Variants in SQLE observed in about 807,000 individuals in gnomAD.
SQLE encodes squalene monooxygenase.
In SQLE, 29 loss-of-function variants were observed where a neutral mutation model predicts 60.7. That is an observed-to-expected ratio of 0.48 (90% CI 0.36 to 0.65). The LOEUF (loss-of-function observed/expected upper bound fraction) is 0.65, where lower values mean the gene tolerates loss of function less well. Among genes scored for constraint, SQLE ranks in the 30% least tolerant of loss-of-function variants. SQLE has a pLI of 0.00. For synonymous variants in SQLE, 237 were observed against 246.8 expected (o/e 0.96, Z 0.37); for missense variants, 605 against 684.1 (o/e 0.88, Z 1.29).
At chr8:125,020,944 A>G in intron 10 of SQLE, 73 bp downstream of exon 10, 4 of 1,005,040 alleles carry the variant, frequency 4.0e-6, no homozygotes, top group Non-Finnish European at 6.2e-6. Context: ...GAATTACTGC[A>G]AATCTTTCTT....
Position 125,006,229 on chromosome 8 carries a change from T to G in SQLE, c.725+524T>G, listed in dbSNP as rs75122557. ...GAACCCTCATGTGACTGACACAGAC[T>G]AAAGTATTGACAAAGCAAGTGAAGA... On this transcript the variant is annotated intron_variant, in intron 3 of 10. Coordinates refer to ENST00000265896, the MANE Select transcript of SQLE (RefSeq NM_003129.4). Among the ~76,000 whole-genome samples the G allele has an allele frequency of 3.3e-3, 504 of 152,316 alleles. 3 individuals are homozygous for G. Among genetic ancestry groups the G allele is most frequent in the African/African-American group, 0.012 (487 of 41,568 alleles).
chr8:125,004,992 A>G (rs902298359), intron 2 of SQLE, among the ~76,000 whole-genome samples: 8 of 152,170 alleles, frequency 5.3e-5, no homozygotes, highest in African/African-American at 1.9e-4. Context: ...GTCACTTTTA[A>G]TGGATAGTAT....
chr8:125,021,432 G>A (rs1398035736), intron 10 of SQLE, among the ~76,000 whole-genome samples: 1 of 149,226 alleles, frequency 6.7e-6, no homozygotes, highest in African/African-American at 2.5e-5. Flanking sequence ...GTCTCAGGAT[G>A]AGTAAACAAA....
At chr8:124,999,844 C>T in intron 1 of SQLE, 150 bp downstream of exon 1, 1 of 1,026,444 alleles carries the variant, frequency 9.7e-7, no homozygotes, top group East Asian at 2.6e-5. Flanking sequence ...CTCTGCTGTG[C>T]CTTGGTTACA....
rs1469786569 is a variant in SQLE, at chr8:125,002,415, C to T, written c.292-761C>T. 3.9e-5 allele frequency among the ~76,000 whole-genome samples: 6 copies of T among 152,310 alleles called. No homozygotes were observed. The East Asian group carries it at 9.6e-4, about 24-fold the overall frequency. ...ATCTAAGGCCGCACGCAGTGGCTCACGCCTGTAATCCCAGCACTTTGGGAG... is the reference window on the plus strand; with the variant it reads ...ATCTAAGGCCGCACGCAGTGGCTCATGCCTGTAATCCCAGCACTTTGGGAG... On this transcript the variant is annotated intron_variant, in intron 1 of 10. Coordinates refer to ENST00000265896, the MANE Select transcript of SQLE (RefSeq NM_003129.4).
At chr8:125,017,541 G>A (rs1815129007) in intron 7 of SQLE, among the ~76,000 whole-genome samples, 1 of 151,986 alleles carries the variant, frequency 6.6e-6, no homozygotes, top group Non-Finnish European at 1.5e-5. Flanking sequence ...ACCCAGGACG[G>A]ATCCAAAAAT....
Position 125,008,955 on chromosome 8 carries a change from T to C in SQLE, c.823-16T>C. On this transcript the variant is annotated splice_polypyrimidine_tract_variant and intron_variant, in intron 4 of 10. Transcript: ENST00000265896. The stretch of plus-strand genomic sequence containing the variant: ...TTTCTGACTACTAAACTGAGTAGTC[T>C]TCATTTCTGTTATAGGAACTCCATG... The C allele has an allele frequency of 6.5e-7, 1 of 1,527,030 alleles. No homozygotes were observed. Among genetic ancestry groups the C allele is most frequent in the East Asian group, 2.3e-5 (1 of 43,780 alleles). 94.6% of individuals were successfully genotyped at this position (1,527,030 alleles called of 1,614,324 possible).
chr8:125,018,738 A>C lies in SQLE; in HGVS notation c.1444+11A>C, dbSNP rs1204583827. On this transcript the variant is annotated intron_variant, in intron 9 of 10. Transcript: ENST00000265896. ...TTTCTGCCACAGATGGTAAGTGTAG[A>C]CACTTTTTAGTGAATATTACTCAAT... is the stretch of plus-strand genomic sequence containing the variant. The C allele has an allele frequency of 1.3e-6, 2 of 1,558,218 alleles. No individual in the cohort carries two copies. Among genetic ancestry groups the C allele is most frequent in the East Asian group, 2.3e-5 (1 of 43,920 alleles).
At chr8:125,009,795 A>G (rs938318967) in intron 6 of SQLE, among the ~76,000 whole-genome samples, 1 of 148,916 alleles carries the variant, frequency 6.7e-6, no homozygotes, top group Non-Finnish European at 1.5e-5. Context: ...CTCCGTCTCA[A>G]AAAAAAAAAA....
chr8:125,019,650 C>G (rs565315993), intron 9 of SQLE, among the ~76,000 whole-genome samples: 1 of 152,174 alleles, frequency 6.6e-6, no homozygotes, highest in Admixed American at 6.5e-5. Context: ...GCAGTGTACA[C>G]ATCAGTTTAA....
At chr8:125,018,801 G>T in intron 9 of SQLE, 74 bp downstream of exon 9, 1 of 995,040 alleles carries the variant, frequency 1.0e-6, no homozygotes, top group African/African-American at 1.7e-5. Flanking sequence ...AAACAAGTTA[G>T]TGATTTGTCC....
chr8:125,004,118 A>C (rs1814909404), intron 2 of SQLE, among the ~76,000 whole-genome samples: 1 of 152,188 alleles, frequency 6.6e-6, no homozygotes. Context: ...ATTTTATGTC[A>C]CTAATATATA....
Position 124,998,914 on chromosome 8 carries a change from G to T in SQLE, c.-490G>T. 1 of 361,570 alleles carries T rather than the reference G, an allele frequency of 2.8e-6. No homozygotes were observed. Among genetic ancestry groups the T allele is most frequent in the East Asian group, 4.4e-5 (1 of 22,968 alleles). 22.4% of individuals were successfully genotyped at this position (361,570 alleles called of 1,614,324 possible). ...CCCCCGTGCCTTCCGGCCGCTGCTC[G>T]CCGTCGCCAGAGGCTAGGCCACGTT... On this transcript the variant is annotated 5_prime_UTR_variant, in exon 1 of 11. Transcript: ENST00000265896.
At chr8:124,999,760 A>C in intron 1 of SQLE, 66 bp downstream of exon 1, 3 of 1,490,964 alleles carry the variant, frequency 2.0e-6, no homozygotes, top group South Asian at 2.8e-5. Flanking sequence ...TCACTCAAAT[A>C]TAAGTTTTAT....
chr8:125,010,780 T>TC (rs1815027045), intron 6 of SQLE, among the ~76,000 whole-genome samples: 1 of 152,060 alleles, frequency 6.6e-6, no homozygotes, highest in South Asian at 2.1e-4. Flanking sequence ...TTTTTCTTTT[T>TC]TTTTTCTTTT....
chr8:125,019,078 A>C (rs748028939), intron 9 of SQLE: 12 of 180,086 alleles, frequency 6.7e-5, no homozygotes, highest in South Asian at 2.8e-4. Context: ...TTTTCTTCCT[A>C]ACACTAGTTT....
intron 8 of SQLE, 79 bp downstream of exon 8, chr8:125,018,280 G>A: frequency 6.9e-7 from 1 of 1,457,706 alleles, no homozygotes; most frequent in Non-Finnish European, 9.4e-7. Context: ...CTCTGATGGG[G>A]AGATCTGTAC....
At chr8:125,005,852 G>C in intron 3 of SQLE, 147 bp downstream of exon 3, 1 of 579,398 alleles carries the variant, frequency 1.7e-6, no homozygotes, top group Non-Finnish European at 2.6e-6. Context: ...TCAGTCAAAA[G>C]AGTGTTAGAT....
intron 1 of SQLE, among the ~76,000 whole-genome samples, chr8:125,001,691 A>G (rs530238252): frequency 6.6e-6 from 1 of 152,112 alleles, no homozygotes; most frequent in East Asian, 1.9e-4. Flanking sequence ...AAAAAAAAGA[A>G]TAGACAAATT....
Sources: allele counts gnomAD v4.1 joint callset (sites outside exome capture counted in the v4.1 genomes callset), GRCh38; gene constraint gnomAD v4.1.1; transcripts MANE v1.5; gene names NCBI Gene and HGNC (gene_info 2026-07-23, HGNC 2026-07-21).